HERC2: variants seen among roughly 807,000 people sequenced by gnomAD.
HERC2 encodes E3 ubiquitin-protein ligase HERC2.
Under a neutral mutation model 537.7 loss-of-function variants are expected in HERC2, and 102 were observed. The ratio of observed to expected loss-of-function variants is 0.19; its 90% confidence interval spans 0.16 to 0.22. The LOEUF (loss-of-function observed/expected upper bound fraction) is 0.22. Ranked by LOEUF, HERC2 falls within the 10% of genes least tolerant of loss-of-function variation. The probability of loss-of-function intolerance (pLI) is 1.00; values close to 1 mark genes in which losing one functional copy is unlikely to be tolerated. For missense variants in HERC2, 4,236 were observed against 6,198.2 expected, an observed-to-expected ratio of 0.68 and a Z score of 10.63; for synonymous variants, 2,224 against 2,466.2, an observed-to-expected ratio of 0.90 and a Z score of 2.91.
At chr15:28,170,260 G>A (rs1387971875) in intron 65 of HERC2, among the ~76,000 whole-genome samples, 5 of 152,158 alleles carry the variant, frequency 3.3e-5, no homozygotes, top group Non-Finnish European at 5.9e-5. Flanking sequence ...ATAAGGAGGA[G>A]GAATGAGTCT....
chr15:28,299,834 G>A (rs970001601), intron 2 of HERC2, among the ~76,000 whole-genome samples: 5 of 151,874 alleles, frequency 3.3e-5, no homozygotes, highest in Admixed American at 1.3e-4. Context: ...GGCACATCAC[G>A]GGGGATCAGG....
intron 89 of HERC2, 54 bp from the exon 90 acceptor site, chr15:28,114,856 C>G: frequency 6.8e-7 from 1 of 1,479,114 alleles, no homozygotes; most frequent in Admixed American, 1.8e-5. Context: ...ATCTCCATCC[C>G]AGACTCCAGT....
At chr15:28,196,683 G>A in intron 50 of HERC2, 114 bp from the exon 51 acceptor site, 1 of 630,206 alleles carries the variant, frequency 1.6e-6, no homozygotes, top group Non-Finnish European at 2.8e-6. Context: ...TTTTTACAAA[G>A]AGTCTACCTT....
At chr15:28,115,311 C>G (rs1888103985) in intron 89 of HERC2, 118 bp downstream of exon 89, 1 of 568,334 alleles carries the variant, frequency 1.8e-6, no homozygotes, top group Non-Finnish European at 3.1e-6. Context: ...AGCCAACAGC[C>G]TCTGCGTCAC....
intron 43 of HERC2, among the ~76,000 whole-genome samples, chr15:28,212,035 AAT>A (rs1899297504): frequency 6.6e-6 from 1 of 152,190 alleles, no homozygotes; most frequent in Non-Finnish European, 1.5e-5. Flanking sequence ...AGCCATCCTG[AAT>A]GTCACAGGCA....
rs144413909 is a variant in HERC2, at chr15:28,201,561, G to T, written c.7618-7C>A. 95 of 1,590,984 alleles carry T rather than the reference G, an allele frequency of 6.0e-5. No homozygotes were observed. The African/African-American group carries it at 1.0e-3, about 17-fold the overall frequency. On this transcript the variant is annotated splice_polypyrimidine_tract_variant and splice_region_variant and intron_variant, in intron 47 of 92. Transcript: ENST00000261609. ...TCACAACAGCACCAGTAGACTGCAA[G>T]AAATAAATACATTCAAACAAAAAAA...
chr15:28,225,945 A>G (rs1901105625), intron 35 of HERC2, among the ~76,000 whole-genome samples: 1 of 152,250 alleles, frequency 6.6e-6, no homozygotes, highest in Non-Finnish European at 1.5e-5. Flanking sequence ...AGATTGAATC[A>G]GTAATTAAAA....
chr15:28,315,520 G>A (rs753854771), intron 2 of HERC2: 8 of 394,840 alleles, frequency 2.0e-5, no homozygotes, highest in African/African-American at 8.2e-5. Context: ...ATTAACAGCC[G>A]GGCACGGTTC....
Position 28,130,182 on chromosome 15 carries a change from A to G in HERC2, c.12783T>C (p.Cys4261=). ...ACCTACCATCCTCTGTGCAGCACACACAGTGCAGGGAGCCAGTGGCGATGG... is the reference window on the plus strand; with the variant it reads ...ACCTACCATCCTCTGTGCAGCACACGCAGTGCAGGGAGCCAGTGGCGATGG... The part of the protein sequence containing the change: ...VIAIATGSLH[C]VCCTEDGEVY... Residue 4261 remains cysteine (C), a synonymous_variant, in exon 83 of 93, where the codon TGT becomes TGC. Coordinates refer to ENST00000261609, the MANE Select transcript of HERC2 (RefSeq NM_004667.6). 1 of 1,614,146 alleles carries G rather than the reference A, an allele frequency of 6.2e-7. No individual in the cohort carries two copies. Among genetic ancestry groups the G allele is most frequent in the African/African-American group, 1.3e-5 (1 of 75,024 alleles).
chr15:28,233,396 C>T lies in HERC2; in HGVS notation c.4479+38G>A, dbSNP rs553015448. 6.5e-5 allele frequency: 83 copies of T among 1,273,268 alleles called. No individual in the cohort carries two copies. In the African/African-American group the frequency reaches 1.0e-3, roughly 15 times the overall value. The allele number at this position is 1,273,268 out of a possible 1,614,324, so 78.9% of individuals were successfully genotyped here. On this transcript the variant is annotated intron_variant, in intron 29 of 92. Transcript: ENST00000261609. The stretch of plus-strand genomic sequence containing the variant: ...TAACAACAAATATTTCAGCAACTGT[C>T]TGCAAAGCACAGAATAAAAAGAATT...
chr15:28,221,350 A>AG (rs1457837859), intron 36 of HERC2, among the ~76,000 whole-genome samples: 1 of 146,284 alleles, frequency 6.8e-6, no homozygotes, highest in South Asian at 2.2e-4. Flanking sequence ...CCTGGGCCCC[A>AG]GGGGGAAGCT....
At chr15:28,216,209 A>G (rs1403868207) in intron 38 of HERC2, among the ~76,000 whole-genome samples, 2 of 152,172 alleles carry the variant, frequency 1.3e-5, no homozygotes, top group East Asian at 3.9e-4. Context: ...AACCATCTAT[A>G]ATTCAAATAA....
intron 69 of HERC2, among the ~76,000 whole-genome samples, chr15:28,154,463 C>G (rs940211079): frequency 1.3e-4 from 20 of 152,200 alleles, no homozygotes; most frequent in Non-Finnish European, 2.5e-4. Context: ...CTCCTGGAAC[C>G]TGGCTGAGTA....
chr15:28,277,546 C>T (rs2075908466), intron 5 of HERC2, among the ~76,000 whole-genome samples: 1 of 152,010 alleles, frequency 6.6e-6, no homozygotes, highest in Non-Finnish European at 1.5e-5. Flanking sequence ...ATTCACCAAC[C>T]CTAAGTCATC....
chr15:28,211,432 T>G (rs1434780751), intron 43 of HERC2, among the ~76,000 whole-genome samples: 1 of 151,838 alleles, frequency 6.6e-6, no homozygotes, highest in Non-Finnish European at 1.5e-5. Flanking sequence ...TTAGCTACTA[T>G]TAATATGATC....
At chr15:28,255,229 G>C (rs947276354) in intron 19 of HERC2, among the ~76,000 whole-genome samples, 1 of 152,128 alleles carries the variant, frequency 6.6e-6, no homozygotes. Context: ...CTGCAAAACA[G>C]GAGGCTGAGG....
intron 23 of HERC2, among the ~76,000 whole-genome samples, chr15:28,244,433 G>A (rs1903458103): frequency 1.3e-5 from 2 of 152,166 alleles, no homozygotes; most frequent in South Asian, 4.1e-4. Flanking sequence ...GAAGTAAGGT[G>A]GCGATGACCA....
intron 30 of HERC2, 35 bp from the exon 31 acceptor site, chr15:28,230,535 T>G: frequency 9.4e-7 from 1 of 1,063,648 alleles, no homozygotes; most frequent in East Asian, 2.4e-5. Context: ...ATAAAAATCA[T>G]ACACTTAAAT....
Position 28,113,458 on chromosome 15 carries a change from G to A in HERC2, c.14019+115C>T. 1 of 1,079,348 alleles carries A rather than the reference G, an allele frequency of 9.3e-7. No homozygotes were observed. The allele number at this position is 1,079,348 out of a possible 1,614,324, so 66.9% of individuals were successfully genotyped here. A position where few individuals can be genotyped will look rare whatever the true frequency, so the allele number is the denominator to read the frequency against. Reference sequence around the variant, plus strand: ...GCGGGTGGAGGGACGCGCTCAGAGTGCACTCCCTTCAGTCAACACACAGGG... The same window carrying A: ...GCGGGTGGAGGGACGCGCTCAGAGTACACTCCCTTCAGTCAACACACAGGG... On this transcript the variant is annotated intron_variant, in intron 91 of 92. Transcript: ENST00000261609. This position sits in a 1 kb window ranked among gnomAD's most constrained non-coding sequence, Gnocchi z 7.0.
Sources: gnomAD v4.1 joint callset for allele counts (sites outside exome capture counted in the v4.1 genomes callset) on GRCh38, gnomAD v4.1.1 for gene constraint, Gnocchi (gnomAD v3.1) non-coding constraint, MANE v1.5 for transcripts, NCBI Gene and HGNC (gene_info 2026-07-23, HGNC 2026-07-21) for gene names.